ZSCAN20: variants seen among roughly 807,000 people sequenced by gnomAD.
The protein encoded by ZSCAN20 is zinc finger and SCAN domain-containing protein 20.
Under a neutral mutation model 97.1 loss-of-function variants are expected in ZSCAN20, and 39 were observed. The ratio of observed to expected loss-of-function variants is 0.40; its 90% CI spans 0.31 to 0.52. The LOEUF (loss-of-function observed/expected upper bound fraction) is 0.52. ZSCAN20 is among the 20% of genes least tolerant of loss of function. The pLI is 0.49. For synonymous variants in ZSCAN20, 456 were observed against 467.3 expected (o/e 0.98, Z 0.31); for missense variants, 1,115 against 1,290.4 (o/e 0.86, Z 2.08).
At chr1:33,489,447 G>C (rs1652507487) in intron 4 of ZSCAN20, 71 bp from the exon 5 acceptor site, 2 of 1,473,342 alleles carry the variant, frequency 1.4e-6, no homozygotes, top group Non-Finnish European at 1.9e-6. Flanking sequence ...TTTCCTGGGA[G>C]CCTGCTAGGG....
chr1:33,477,816 A>C (rs1651992798), intron 1 of ZSCAN20, among the ~76,000 whole-genome samples: 1 of 151,758 alleles, frequency 6.6e-6, no homozygotes, highest in South Asian at 2.1e-4. Flanking sequence ...GTGGGTAAGA[A>C]AATTACAGTA....
At chr1:33,485,780 G>C (rs1652342328) in intron 2 of ZSCAN20, among the ~76,000 whole-genome samples, 2 of 151,970 alleles carry the variant, frequency 1.3e-5, no homozygotes, top group Admixed American at 6.6e-5. Flanking sequence ...CTAGCTTTTG[G>C]TTTTGTTGAT....
At chr1:33,481,863 G>A (rs1652167947) in intron 2 of ZSCAN20, among the ~76,000 whole-genome samples, 1 of 152,126 alleles carries the variant, frequency 6.6e-6, no homozygotes, top group African/African-American at 2.4e-5. Context: ...CAGGTGCACA[G>A]GGATTTTTAA....
In ZSCAN20 at chr1:33,499,592, C is replaced by T. The variant is rs1190445773; in HGVS notation, c.*4116C>T. On this transcript the variant is annotated 3_prime_UTR_variant, in exon 8 of 8. Transcript: ENST00000684572. ...GACTCCCATCCAAGCCTCCCCTGCA[C>T]GTGCCTGGAGAGACCTGCCCATTGG... is the stretch of plus-strand genomic sequence containing the variant. Among the ~76,000 whole-genome samples the T allele has an allele frequency of 3.3e-5, 5 of 152,130 alleles. No individual in the cohort carries two copies. Among genetic ancestry groups the T allele is most frequent in the East Asian group, 1.9e-4 (1 of 5,170 alleles).
chr1:33,476,833 CAG>C (rs1651956551), intron 1 of ZSCAN20, among the ~76,000 whole-genome samples: 1 of 152,174 alleles, frequency 6.6e-6, no homozygotes, highest in African/African-American at 2.4e-5. Flanking sequence ...TGTAGGTAGA[CAG>C]AAATAGTTTA....
intron 2 of ZSCAN20, 142 bp from the exon 3 acceptor site, chr1:33,488,319 AACTC>A (rs1273411687): frequency 1.4e-6 from 1 of 738,506 alleles, no homozygotes; most frequent in African/African-American, 1.8e-5. Context: ...CTACCTACCA[AACTC>A]ACTCTGATGG....
intron 2 of ZSCAN20, among the ~76,000 whole-genome samples, chr1:33,482,405 C>A (rs1470791316): frequency 6.6e-6 from 1 of 152,150 alleles, no homozygotes; most frequent in Non-Finnish European, 1.5e-5. Flanking sequence ...CTTGTTAGCT[C>A]ATTTCTCTTT....
At chr1:33,475,286 A>C (rs564813520) in intron 1 of ZSCAN20, among the ~76,000 whole-genome samples, 2 of 152,356 alleles carry the variant, frequency 1.3e-5, no homozygotes, top group African/African-American at 4.8e-5. Context: ...GTAATTGAGG[A>C]TATAGTGCAG....
Position 33,495,354 on chromosome 1 carries a change from A to G in ZSCAN20, c.3010A>G (p.Ile1004Val). The change falls in exon 8 of 8, where the codon ATT (isoleucine) becomes GTT (valine). Residue 1004 changes from isoleucine to valine, a missense_variant. Ile to Val is a conservative substitution (Grantham distance 29, BLOSUM62 3). Transcript: ENST00000684572. The part of the protein sequence containing the change: ...KCFNQSSSLI[I>V]HQRIHTGEKP... ...CTTTAACCAGAGCTCCAGTCTTATT[A>G]TTCACCAGAGAATCCACACAGGGGA... The G allele has an allele frequency of 6.2e-7, 1 of 1,613,512 alleles. No homozygotes were observed. The highest frequency in any genetic ancestry group is 8.5e-7 in the Non-Finnish European group (1 of 1,179,632).
chr1:33,485,533 C>CAA (rs59405726), intron 2 of ZSCAN20, among the ~76,000 whole-genome samples: 1 of 151,588 alleles, frequency 6.6e-6, no homozygotes, highest in African/African-American at 2.4e-5. Context: ...CCTCAGCCCC[C>CAA]TGTAGCTGGG....
At chr1:33,488,032 T>C (rs1652438076) in intron 2 of ZSCAN20, among the ~76,000 whole-genome samples, 2 of 152,182 alleles carry the variant, frequency 1.3e-5, no homozygotes, top group South Asian at 4.1e-4. Context: ...TTAGAGCAAT[T>C]GCATTTGGGG....
intron 2 of ZSCAN20, among the ~76,000 whole-genome samples, chr1:33,485,682 G>C (rs1216175023): frequency 6.6e-6 from 1 of 152,056 alleles, no homozygotes; most frequent in Admixed American, 6.6e-5. Flanking sequence ...CAGAGTGCTG[G>C]GGTTACATGT....
At chr1:33,480,538 C>CA (rs1275816584) in intron 2 of ZSCAN20, among the ~76,000 whole-genome samples, 1 of 152,134 alleles carries the variant, frequency 6.6e-6, no homozygotes, top group Non-Finnish European at 1.5e-5. Flanking sequence ...TATTAGTTGA[C>CA]ATTTTGTGAG....
At position 33,491,581 on chromosome 1, in the gene ZSCAN20, G is replaced by T. The variant is rs750527991; in HGVS notation, c.1323G>T (p.Glu441Asp). Residue 441 changes from glutamate (E) to aspartate (D), a missense_variant, in exon 6 of 8, where the codon GAG becomes GAT. By Grantham distance (45) the Glu-to-Asp change is conservative (BLOSUM62 2). Transcript: ENST00000684572. The surrounding 1 kb of genome is among the most constrained non-coding windows in gnomAD (Gnocchi z 4.3). ...GTGACGCAGAGATGGATGAGCAGGA[G>T]GAAGGGGGCTGGGATCCTGAAGAAA... is the stretch of plus-strand genomic sequence containing the variant. ...GYSDAEMDEQ[E>D]EGGWDPEEMA... is the part of the protein sequence containing the mutation. 6.2e-7 allele frequency: 1 copy of T among 1,614,158 alleles called. No homozygotes were observed. Among genetic ancestry groups the T allele is most frequent in the South Asian group, 1.1e-5 (1 of 91,072 alleles).
At chr1:33,484,092 A>G (rs1333856776) in intron 2 of ZSCAN20, among the ~76,000 whole-genome samples, 2 of 152,156 alleles carry the variant, frequency 1.3e-5, no homozygotes, top group Middle Eastern at 3.2e-3. Context: ...TAGTTCCCAG[A>G]AGTTTTTTTT....
Position 33,499,192 on chromosome 1 carries a change from CA to C in ZSCAN20, c.*3717del, listed in dbSNP as rs1156370321. 1.3e-5 allele frequency among the ~76,000 whole-genome samples: 2 copies of C among 152,134 alleles called. No homozygotes were observed. Among genetic ancestry groups the C allele is most frequent in the Non-Finnish European group, 2.9e-5 (2 of 68,032 alleles). On this transcript the variant is annotated 3_prime_UTR_variant, in exon 8 of 8. Coordinates refer to ENST00000684572, the MANE Select transcript of ZSCAN20 (RefSeq NM_001377376.1). ...GTAGGGGAGTAACACCCTTTGGGGA[CA>C]GGGGTGCAGTTTTGAAGTAATGAAG...
At chr1:33,475,816 C>G (rs889503927) in intron 1 of ZSCAN20, among the ~76,000 whole-genome samples, 1 of 120,012 alleles carries the variant, frequency 8.3e-6, no homozygotes, top group Admixed American at 9.8e-5. Flanking sequence ...CGAGCCACCA[C>G]GCTTGGCTAT....
At position 33,479,429 on chromosome 1, in the gene ZSCAN20, A is replaced by G. The variant is rs777141440; in HGVS notation, c.141A>G (p.Pro47=). ...AGGACCGTGGCTCTGTCTCTGGCCC[A>G]GAGGCCTCCCGCCAGCGCTTCAGGC... The part of the protein sequence containing the change: ...WEKDRGSVSG[P]EASRQRFRQF... The change falls in exon 2 of 8, where the codon CCA becomes CCG. Residue 47 remains proline (P), a synonymous_variant. Transcript: ENST00000684572. The G allele has an allele frequency of 6.2e-7, 1 of 1,614,266 alleles. No individual in the cohort carries two copies. The highest frequency in any genetic ancestry group is 8.5e-7 in the Non-Finnish European group (1 of 1,180,040).
rs777532224 is a variant in ZSCAN20, at chr1:33,495,183, A to C, written c.2839A>C (p.Ile947Leu). The C allele has an allele frequency of 1.3e-5, 21 of 1,614,114 alleles. No homozygotes were observed. The highest frequency in any genetic ancestry group is 1.1e-4 in the South Asian group (10 of 91,068). The change falls in exon 8 of 8, where the codon ATC (isoleucine) becomes CTC (leucine). Residue 947 changes from isoleucine to leucine, a missense_variant. By Grantham distance (5) the Ile-to-Leu change is conservative (BLOSUM62 2). Transcript: ENST00000684572. ...GTGCTTCAGTGAGCGCTCCAAGCTCATCACACACCAGAGAGTGCACACAGG... is the reference window on the plus strand; with the variant it reads ...GTGCTTCAGTGAGCGCTCCAAGCTCCTCACACACCAGAGAGTGCACACAGG... ...GKCFSERSKL[I>L]THQRVHTGEK...
Sources: allele counts gnomAD v4.1 joint callset (sites outside exome capture counted in the v4.1 genomes callset), GRCh38; gene constraint gnomAD v4.1.1; non-coding constraint Gnocchi (gnomAD v3.1); transcripts MANE v1.5; gene names NCBI Gene and HGNC (gene_info 2026-07-23, HGNC 2026-07-21).